The following CAMKMT variants were observed in gnomAD, a reference collection of about 807,000 sequenced individuals.
CAMKMT encodes the protein calmodulin-lysine N-methyltransferase.
In CAMKMT, 53 loss-of-function variants were observed where a neutral mutation model predicts 48.0. That is an observed-to-expected ratio of 1.10 (90% CI 0.89 to 1.39). The LOEUF (loss-of-function observed/expected upper bound fraction) is 1.39. Among genes scored for constraint, CAMKMT ranks in the 40% most tolerant of loss-of-function variants. CAMKMT has a pLI of 0.00. For synonymous variants in CAMKMT, 165 were observed against 152.3 expected (o/e 1.08, Z -0.61); for missense variants, 428 against 402.7 (o/e 1.06, Z -0.54).
chr2:44,505,076 T>C (rs1454638753), intron 3 of CAMKMT, among the ~76,000 whole-genome samples: 1 of 152,070 alleles, frequency 6.6e-6, no homozygotes, highest in African/African-American at 2.4e-5. Flanking sequence ...AACTCACTTA[T>C]TACTGCAAGG....
chr2:44,527,612 A>C (rs1666219748), intron 3 of CAMKMT, among the ~76,000 whole-genome samples: 1 of 151,574 alleles, frequency 6.6e-6, no homozygotes, highest in Non-Finnish European at 1.5e-5. Context: ...AGACAATAAT[A>C]GAGCTTTAAG....
chr2:44,443,447 G>T (rs1572887853), intron 3 of CAMKMT, among the ~76,000 whole-genome samples: 1 of 152,144 alleles, frequency 6.6e-6, no homozygotes, highest in African/African-American at 2.4e-5. Context: ...CATCTTTGGG[G>T]TATGTAAATC....
chr2:44,417,367 C>T (rs1416404663), intron 3 of CAMKMT, among the ~76,000 whole-genome samples: 1 of 151,924 alleles, frequency 6.6e-6, no homozygotes, highest in Admixed American at 6.6e-5. Context: ...TGCACTCCAG[C>T]CTGGGTGAAA....
At chr2:44,685,157 A>G (rs1238426541) in intron 3 of CAMKMT, among the ~76,000 whole-genome samples, 5 of 152,118 alleles carry the variant, frequency 3.3e-5, no homozygotes, top group African/African-American at 1.2e-4. Flanking sequence ...ATTTTAATGA[A>G]ACCTTGAAGG....
intron 3 of CAMKMT, among the ~76,000 whole-genome samples, chr2:44,403,445 G>T (rs992130066): frequency 3.3e-5 from 5 of 152,288 alleles, no homozygotes; most frequent in South Asian, 2.1e-4. Context: ...GAGATTTCAA[G>T]ATCTAATTGT....
At chr2:44,509,188 G>A (rs551398819) in intron 3 of CAMKMT, among the ~76,000 whole-genome samples, 4 of 152,214 alleles carry the variant, frequency 2.6e-5, no homozygotes, top group Admixed American at 1.3e-4. Context: ...GAGGGACTGA[G>A]CCAGGGTTTC....
At chr2:44,593,942 T>A (rs571507959) in intron 3 of CAMKMT, among the ~76,000 whole-genome samples, 2 of 152,098 alleles carry the variant, frequency 1.3e-5, no homozygotes, top group Non-Finnish European at 2.9e-5. Flanking sequence ...TTGGTATTTT[T>A]AGTAGGGATG....
intron 7 of CAMKMT, among the ~76,000 whole-genome samples, chr2:44,742,842 A>C (rs188884709): frequency 6.6e-6 from 1 of 152,304 alleles, no homozygotes; most frequent in African/African-American, 2.4e-5. Context: ...AAAGAATCAA[A>C]ATAGAAAATA....
intron 9 of CAMKMT, among the ~76,000 whole-genome samples, chr2:44,760,137 C>T (rs1396114557): frequency 6.6e-6 from 1 of 152,098 alleles, no homozygotes; most frequent in Admixed American, 6.5e-5. Context: ...CCAGGAATTA[C>T]AGTGCAATAT....
At chr2:44,661,530 G>A (rs1674680057) in intron 3 of CAMKMT, among the ~76,000 whole-genome samples, 1 of 151,966 alleles carries the variant, frequency 6.6e-6, no homozygotes, top group South Asian at 2.1e-4. Flanking sequence ...TGGCCAGGCT[G>A]GTCTTGAACT....
chr2:44,387,724 G>A (rs746458291), intron 2 of CAMKMT, among the ~76,000 whole-genome samples: 16 of 152,112 alleles, frequency 1.1e-4, no homozygotes, highest in Non-Finnish European at 2.2e-4. Flanking sequence ...TGGTGGCTTG[G>A]TAATGGTGAA....
At chr2:44,608,542 C>T (rs1671427991) in intron 3 of CAMKMT, among the ~76,000 whole-genome samples, 1 of 152,080 alleles carries the variant, frequency 6.6e-6, no homozygotes, top group Non-Finnish European at 1.5e-5. Flanking sequence ...GTGTTGGGAA[C>T]ATTCAGTATC....
chr2:44,592,547 A>T (rs116369957), intron 3 of CAMKMT, among the ~76,000 whole-genome samples: 3,546 of 152,274 alleles, frequency 0.023, 151 homozygotes, highest in African/African-American at 0.082. Context: ...AATGGCCCCA[A>T]AGTGCAAGAC....
At chr2:44,438,707 G>GT (rs1484099126) in intron 3 of CAMKMT, among the ~76,000 whole-genome samples, 3 of 151,756 alleles carry the variant, frequency 2.0e-5, no homozygotes, top group East Asian at 1.9e-4. Flanking sequence ...TGTTTGTTTT[G>GT]TTTTTTTTGA....
chr2:44,421,282 A>AT (rs1204478560), intron 3 of CAMKMT, among the ~76,000 whole-genome samples: 1 of 152,098 alleles, frequency 6.6e-6, no homozygotes, highest in East Asian at 1.9e-4. Context: ...ATACTTTGGA[A>AT]TTTTTTTGGC....
intron 6 of CAMKMT, among the ~76,000 whole-genome samples, chr2:44,713,130 T>C (rs1243681154): frequency 6.6e-6 from 1 of 152,176 alleles, no homozygotes; most frequent in African/African-American, 2.4e-5. Context: ...CCTGACCACC[T>C]GGAGTCACAG....
rs1667583662 is a variant in CAMKMT, at chr2:44,456,730, C to T, written c.376+66425C>T. 3 of 838,068 alleles carry T rather than the reference C, an allele frequency of 3.6e-6. No homozygotes were observed. The African/African-American group carries it at 5.2e-5, about 15-fold the overall frequency. 51.9% of individuals were successfully genotyped at this position (838,068 alleles called of 1,614,324 possible). A position where few individuals can be genotyped will look rare whatever the true frequency, so the allele number is the denominator to read the frequency against. ...TTCATGATCTTCATTACAATCATAG[C>T]AGAAATCCTCATGCTAAATGTTTTT... On this transcript the variant is annotated intron_variant, in intron 3 of 10. Coordinates refer to ENST00000378494, the MANE Select transcript of CAMKMT (RefSeq NM_024766.5).
intron 2 of CAMKMT, among the ~76,000 whole-genome samples, chr2:44,387,654 C>G (rs983782344): frequency 6.6e-6 from 1 of 151,954 alleles, no homozygotes; most frequent in South Asian, 2.1e-4. Context: ...AGAGGTTCTA[C>G]TTTGATGTGT....
chr2:44,549,559 A>C lies in CAMKMT; in HGVS notation c.377-154724A>C, dbSNP rs1461517160. The C allele has an allele frequency of 5.8e-6, 4 of 694,678 alleles. No individual in the cohort carries two copies. The Admixed American group carries it at 8.2e-5, about 14-fold the overall frequency. 43.0% of individuals were successfully genotyped at this position (694,678 alleles called of 1,614,324 possible). A position where few individuals can be genotyped will look rare whatever the true frequency, so the allele number is the denominator to read the frequency against. On this transcript the variant is annotated intron_variant, in intron 3 of 10. Coordinates refer to ENST00000378494, the MANE Select transcript of CAMKMT (RefSeq NM_024766.5). ...TTTTTTTTCTTTTTTTCTTAGACACAGGGTCTCACTCTGTTGCCCAGGCTG... is the reference window on the plus strand; with the variant it reads ...TTTTTTTTCTTTTTTTCTTAGACACCGGGTCTCACTCTGTTGCCCAGGCTG...
Sources: allele counts gnomAD v4.1 joint callset (sites outside exome capture counted in the v4.1 genomes callset), GRCh38; gene constraint gnomAD v4.1.1; transcripts MANE v1.5; gene names NCBI Gene and HGNC (gene_info 2026-07-23, HGNC 2026-07-21).